PVALB: variants seen among roughly 807,000 people sequenced by gnomAD.
PVALB encodes the protein parvalbumin.
In PVALB, 11 loss-of-function variants were observed where a neutral mutation model predicts 10.9. The ratio of observed to expected loss-of-function variants is 1.01; its 90% CI spans 0.63 to 1.67. The LOEUF (loss-of-function observed/expected upper bound fraction) is 1.67, where lower values mean the gene tolerates loss of function less well. Ranked by LOEUF, PVALB falls within the 40% of genes most tolerant of loss-of-function variation. PVALB has a pLI of 0.00. For synonymous variants in PVALB, 57 were observed against 50.7 expected, an observed-to-expected ratio of 1.12 and a Z score of -0.53; for missense variants, 131 against 136.2, an observed-to-expected ratio of 0.96 and a Z score of 0.19.
intron 3 of PVALB, among the ~76,000 whole-genome samples, chr22:36,810,791 A>G (rs1019594206): frequency 2.0e-5 from 3 of 152,192 alleles, no homozygotes; most frequent in Non-Finnish European, 2.9e-5. Flanking sequence ...CTTTCTGAAC[A>G]TACCCAAAAG....
Position 36,816,959 on chromosome 22 carries a change from A to C in PVALB, c.47T>G (p.Val16Gly), listed in dbSNP as rs1396076948. Reference sequence around the variant, plus strand: ...CGCTTGCTCACCGCTAAAGGCTCCCACCGCCTTCTTGATGTCCTCAGCGTT... The same window carrying C: ...CGCTTGCTCACCGCTAAAGGCTCCCCCCGCCTTCTTGATGTCCTCAGCGTT... ...LLNAEDIKKA[V>G]GAFSATDSFD... is the part of the protein sequence containing the mutation. The change falls in exon 1 of 4, where the codon GTG (valine) becomes GGG (glycine). Residue 16 changes from valine to glycine, a missense_variant. Physicochemically the swap from Val to Gly is moderately radical, Grantham distance 109 (BLOSUM62 -3). Transcript: ENST00000417718. 6 of 1,608,550 alleles carry C rather than the reference A, an allele frequency of 3.7e-6. No homozygotes were observed. In the African/African-American group the frequency reaches 5.4e-5, roughly 14 times the overall value.
chr22:36,817,927 T>C (rs1393930384), upstream of PVALB, among the ~76,000 whole-genome samples: 1 of 151,954 alleles, frequency 6.6e-6, no homozygotes, highest in Non-Finnish European at 1.5e-5. Flanking sequence ...GGAAGAAGGG[T>C]AGCACCTTCA....
chr22:36,811,529 T>C (rs1892206707), intron 3 of PVALB: 1 of 470,018 alleles, frequency 2.1e-6, no homozygotes, highest in African/African-American at 2.0e-5. Flanking sequence ...CTGGATCTGT[T>C]AGAAGAGTTT....
chr22:36,805,570 C>T (rs190822688), intron 3 of PVALB, among the ~76,000 whole-genome samples: 27 of 152,326 alleles, frequency 1.8e-4, no homozygotes, highest in African/African-American at 5.5e-4. Context: ...TACAATCATC[C>T]AGCAACCCTG....
Position 36,800,935 on chromosome 22 carries a change from C to A in PVALB, c.305-17G>T, listed in dbSNP as rs755230427. Reference sequence around the variant, plus strand: ...TGGAGAATTCTGCAGAACAAAATGACAAGGAAAGTGAGTCAGAGGCGGGGA... The same window carrying A: ...TGGAGAATTCTGCAGAACAAAATGAAAAGGAAAGTGAGTCAGAGGCGGGGA... On this transcript the variant is annotated splice_polypyrimidine_tract_variant and intron_variant, in intron 3 of 3. Transcript: ENST00000417718. 2 of 1,606,928 alleles carry A rather than the reference C, an allele frequency of 1.2e-6. No homozygotes were observed.
intron 1 of PVALB, 65 bp downstream of exon 1, chr22:36,816,880 C>G: frequency 7.2e-7 from 1 of 1,391,228 alleles, no homozygotes; most frequent in African/African-American, 1.5e-5. Context: ...GCGGGGCCGG[C>G]GGAGTGCAGG....
At chr22:36,814,101 C>A (rs1262544271) in intron 2 of PVALB, among the ~76,000 whole-genome samples, 1 of 152,048 alleles carries the variant, frequency 6.6e-6, no homozygotes. Flanking sequence ...TCGGAAGGCA[C>A]TGGAAAAAAT....
intron 3 of PVALB, among the ~76,000 whole-genome samples, chr22:36,805,297 T>G (rs1367249381): frequency 6.6e-6 from 1 of 152,156 alleles, no homozygotes; most frequent in Admixed American, 6.5e-5. Context: ...TTCCTTAAGT[T>G]GTTCAGAGGA....
chr22:36,801,058 A>G (rs566093119), intron 3 of PVALB, 140 bp from the exon 4 acceptor site: 1 of 715,302 alleles, frequency 1.4e-6, no homozygotes, highest in East Asian at 2.7e-5. Context: ...TAAGTGTGAA[A>G]ATGAATGAAT....
At chr22:36,800,955 C>A (rs186872689) in intron 3 of PVALB, 37 bp from the exon 4 acceptor site, 24 of 1,592,168 alleles carry the variant, frequency 1.5e-5, no homozygotes, top group Non-Finnish European at 2.1e-5. Context: ...GAGTCAGAGG[C>A]GGGGATGCAA....
At chr22:36,813,307 C>A in intron 3 of PVALB, 1 of 239,762 alleles carries the variant, frequency 4.2e-6, no homozygotes, top group East Asian at 8.8e-5. Context: ...TGCCCAAGGT[C>A]ACACAGCCAG....
rs1243796329 is a variant in PVALB, at chr22:36,806,617, G to A, written c.305-5699C>T. On this transcript the variant is annotated intron_variant, in intron 3 of 3. Transcript: ENST00000417718. ...CACCTCTAAATAGCTCCCGGGCTCG[G>A]TTTCTTATAAATTGGTATCTCAAAC... Among the ~76,000 whole-genome samples, 3 of 152,178 alleles carry A rather than the reference G, an allele frequency of 2.0e-5. No homozygotes were observed. The South Asian group carries it at 6.2e-4, about 32-fold the overall frequency.
chr22:36,815,336 G>T, intron 1 of PVALB, 101 bp from the exon 2 acceptor site: 1 of 1,469,310 alleles, frequency 6.8e-7, no homozygotes, highest in Non-Finnish European at 9.4e-7. Flanking sequence ...ATTCCCACAT[G>T]CCAGTCATGG....
At chr22:36,819,370 C>T (rs1353665880), upstream of PVALB, 1 of 152,404 alleles carries the variant, frequency 6.6e-6, no homozygotes, top group Non-Finnish European at 1.5e-5. Context: ...GTAGCTCTCC[C>T]TTCCAGCTGG....
At chr22:36,813,856 T>G (rs1939087506) in intron 2 of PVALB, 101 bp from the exon 3 acceptor site, 4 of 904,244 alleles carry the variant, frequency 4.4e-6, no homozygotes, top group Non-Finnish European at 7.4e-6. Context: ...GGGAAAGGGA[T>G]GGCTGGGACA....
At chr22:36,817,077 T>C, upstream of PVALB, 1 of 1,442,724 alleles carries the variant, frequency 6.9e-7, no homozygotes, top group Non-Finnish European at 9.5e-7. Context: ...TTTCTGCTCA[T>C]ATGACCAGCG....
At position 36,800,711 on chromosome 22, in the gene PVALB, A is replaced by T; in HGVS notation, c.*179T>A. ...CCTGAGCAAGCAGAGTCTGACTGGTACAACCTTTATTGCTTCTCCAGCATT... is the reference window on the plus strand; with the variant it reads ...CCTGAGCAAGCAGAGTCTGACTGGTTCAACCTTTATTGCTTCTCCAGCATT... On this transcript the variant is annotated 3_prime_UTR_variant, in exon 4 of 4. Coordinates refer to ENST00000417718, the MANE Select transcript of PVALB (RefSeq NM_001315532.2). The T allele has an allele frequency of 2.8e-6, 2 of 725,130 alleles. No individual in the cohort carries two copies. Among genetic ancestry groups the T allele is most frequent in the Non-Finnish European group, 4.8e-6 (2 of 416,344 alleles). The allele number at this position is 725,130 out of a possible 1,614,324, so 44.9% of individuals were successfully genotyped here.
At chr22:36,816,591 T>G (rs964446153) in intron 1 of PVALB, among the ~76,000 whole-genome samples, 16 of 152,290 alleles carry the variant, frequency 1.1e-4, no homozygotes, top group African/African-American at 3.8e-4. Flanking sequence ...CTAAGTGCCT[T>G]AAAGAGGACG....
At chr22:36,803,369 A>G (rs1180392160) in intron 3 of PVALB, among the ~76,000 whole-genome samples, 1 of 152,128 alleles carries the variant, frequency 6.6e-6, no homozygotes, top group Non-Finnish European at 1.5e-5. Context: ...TTATTTATGC[A>G]CTTATTTTTG....
Sources: allele counts gnomAD v4.1 joint callset (sites outside exome capture counted in the v4.1 genomes callset), GRCh38; gene constraint gnomAD v4.1.1; transcripts MANE v1.5; gene names NCBI Gene and HGNC (gene_info 2026-07-23, HGNC 2026-07-21).